LRRC7: variants seen among roughly 807,000 people sequenced by gnomAD.
LRRC7 encodes the protein leucine-rich repeat-containing protein 7.
A neutral mutation model predicts 175.7 loss-of-function variants in LRRC7; 23 were observed. The ratio of observed to expected loss-of-function variants is 0.13; its 90% CI spans 0.09 to 0.19. The LOEUF (loss-of-function observed/expected upper bound fraction) is 0.19, where lower values mean the gene tolerates loss of function less well. Among genes scored for constraint, LRRC7 ranks in the 10% least tolerant of loss-of-function variants. The pLI is 1.00. For missense variants in LRRC7, 1,354 were observed against 1,904.7 expected, an observed-to-expected ratio of 0.71 and a Z score of 5.38; for synonymous variants, 685 against 680.9, an observed-to-expected ratio of 1.01 and a Z score of -0.09.
At chr1:69,631,712 A>G (rs1393760688) in intron 1 of LRRC7, among the ~76,000 whole-genome samples, 1 of 152,078 alleles carries the variant, frequency 6.6e-6, no homozygotes, top group Non-Finnish European at 1.5e-5. Context: ...GCTCTGTTCA[A>G]TTAGATAATA....
intron 25 of LRRC7, among the ~76,000 whole-genome samples, chr1:70,105,415 TA>T (rs558523671): frequency 3.3e-5 from 5 of 151,356 alleles, no homozygotes; most frequent in East Asian, 1.9e-4. Flanking sequence ...TAAGGAAAAA[TA>T]AAAAAAAATC....
At chr1:70,007,983 TAGTC>T (rs905731014) in intron 11 of LRRC7, among the ~76,000 whole-genome samples, 9 of 152,176 alleles carry the variant, frequency 5.9e-5, no homozygotes, top group African/African-American at 9.7e-5. Context: ...GTGCTTGTAT[TAGTC>T]AGGGTTCTCT....
At chr1:70,028,442 G>C in intron 18 of LRRC7, 71 bp downstream of exon 18, 1 of 1,309,624 alleles carries the variant, frequency 7.6e-7, no homozygotes, top group South Asian at 1.3e-5. Flanking sequence ...TTTTTTAACT[G>C]AATAGATCTT....
At chr1:69,821,331 A>G (rs952753602) in intron 4 of LRRC7, among the ~76,000 whole-genome samples, 1 of 151,988 alleles carries the variant, frequency 6.6e-6, no homozygotes, top group African/African-American at 2.4e-5. Context: ...TTTCCGATTT[A>G]GCATTTGTTT....
At position 70,039,276 on chromosome 1, in the gene LRRC7, T is replaced by C. The variant is rs779619009; in HGVS notation, c.3452T>C (p.Leu1151Pro). 1 of 1,614,088 alleles carries C rather than the reference T, an allele frequency of 6.2e-7. No individual in the cohort carries two copies. The highest frequency in any genetic ancestry group is 8.5e-7 in the Non-Finnish European group (1 of 1,180,002). ...AGCCAAGGGGCCAGGGCGGGCTTCCTGAGAAGGGCCGACTCCCTGGTGAGC... is the reference window on the plus strand; with the variant it reads ...AGCCAAGGGGCCAGGGCGGGCTTCCCGAGAAGGGCCGACTCCCTGGTGAGC... ...FASQGARAGF[L>P]RRADSLVSAT... The change falls in exon 21 of 27, where the codon CTG becomes CCG. Residue 1151 changes from leucine (L) to proline (P), a missense_variant. Leu to Pro is a moderately conservative substitution (Grantham distance 98). Transcript: ENST00000651989.
intron 23 of LRRC7, among the ~76,000 whole-genome samples, chr1:70,056,790 T>A (rs988249954): frequency 6.6e-6 from 1 of 152,174 alleles, no homozygotes; most frequent in Non-Finnish European, 1.5e-5. Context: ...GACAGGGCTC[T>A]CAATTTCAAT....
chr1:69,760,920 A>T (rs115248152), intron 3 of LRRC7, among the ~76,000 whole-genome samples: 1,861 of 151,972 alleles, frequency 0.012, 19 homozygotes, highest in Non-Finnish European at 0.019. Context: ...AACTAGTAAA[A>T]AGTTTACTAG....
chr1:69,588,265 T>C (rs2100944194), intron 1 of LRRC7, among the ~76,000 whole-genome samples: 1 of 152,308 alleles, frequency 6.6e-6, no homozygotes, highest in Middle Eastern at 3.4e-3. Flanking sequence ...ATGACCATTA[T>C]TTTATCAGAA....
chr1:69,737,658 T>G (rs946545918), intron 2 of LRRC7, among the ~76,000 whole-genome samples: 1 of 152,206 alleles, frequency 6.6e-6, no homozygotes, highest in South Asian at 2.1e-4. Flanking sequence ...CCTAGTTTAC[T>G]TCTATGTAGT....
intron 2 of LRRC7, among the ~76,000 whole-genome samples, chr1:69,741,382 C>T (rs927273610): frequency 6.6e-6 from 1 of 151,722 alleles, no homozygotes. Context: ...AAATCTGGCA[C>T]CTCCATAATC....
At chr1:69,644,019 A>C (rs1356242486) in intron 1 of LRRC7, among the ~76,000 whole-genome samples, 7 of 152,170 alleles carry the variant, frequency 4.6e-5, no homozygotes, top group Non-Finnish European at 8.8e-5. Flanking sequence ...GGATGCAGTT[A>C]ATGCAATGCT....
intron 7 of LRRC7, among the ~76,000 whole-genome samples, chr1:69,887,961 G>A (rs1461871638): frequency 2.1e-5 from 3 of 140,340 alleles, no homozygotes; most frequent in East Asian, 4.2e-4. Flanking sequence ...CACTTGAGGA[G>A]GCAGTCTGCC....
At chr1:69,819,971 T>A (rs1272719950) in intron 4 of LRRC7, among the ~76,000 whole-genome samples, 1 of 152,154 alleles carries the variant, frequency 6.6e-6, no homozygotes, top group Non-Finnish European at 1.5e-5. Flanking sequence ...TCATGTTTTT[T>A]TCACCCATTC....
At chr1:69,775,579 A>G (rs906662153) in intron 3 of LRRC7, among the ~76,000 whole-genome samples, 2 of 152,338 alleles carry the variant, frequency 1.3e-5, no homozygotes, top group African/African-American at 4.8e-5. Context: ...CTGACCTTGC[A>G]TAGAACTGAC....
At position 69,930,831 on chromosome 1, in the gene LRRC7, A is replaced by G. The variant is rs563786277; in HGVS notation, c.648-676A>G. Reference sequence around the variant, plus strand: ...GAAGGAGGAACTGTCAAACACTTATAAAACCTTCAGATCTCATGAGAATTC... The same window carrying G: ...GAAGGAGGAACTGTCAAACACTTATGAAACCTTCAGATCTCATGAGAATTC... On this transcript the variant is annotated intron_variant, in intron 7 of 26. Coordinates refer to ENST00000651989, the MANE Select transcript of LRRC7 (RefSeq NM_001370785.2). Among the ~76,000 whole-genome samples, 7 of 151,602 alleles carry G rather than the reference A, an allele frequency of 4.6e-5. No homozygotes were observed. The South Asian group carries it at 1.5e-3, about 31-fold the overall frequency.
At position 69,943,353 on chromosome 1, in the gene LRRC7, A is replaced by G. The variant is rs370002169; in HGVS notation, c.711+11783A>G. Among the ~76,000 whole-genome samples the G allele has an allele frequency of 6.6e-5, 10 of 152,268 alleles. No individual in the cohort carries two copies. The East Asian group carries it at 1.9e-3, about 29-fold the overall frequency. On this transcript the variant is annotated intron_variant, in intron 8 of 26. Coordinates refer to ENST00000651989, the MANE Select transcript of LRRC7 (RefSeq NM_001370785.2). Reference sequence around the variant, plus strand: ...TTATGCCAACTAAAAGAAGCCAGAAACAAAAGGCCATGTGTTATATGATTT... The same window carrying G: ...TTATGCCAACTAAAAGAAGCCAGAAGCAAAAGGCCATGTGTTATATGATTT...
At chr1:70,013,290 G>A (rs985144194) in intron 13 of LRRC7, among the ~76,000 whole-genome samples, 1 of 151,646 alleles carries the variant, frequency 6.6e-6, no homozygotes, top group Non-Finnish European at 1.5e-5. Flanking sequence ...TATATCAAAA[G>A]CATATGTAAT....
intron 4 of LRRC7, among the ~76,000 whole-genome samples, chr1:69,812,192 G>A (rs1018371680): frequency 2.0e-5 from 3 of 152,090 alleles, no homozygotes; most frequent in South Asian, 4.1e-4. Context: ...TGAAGAGTAC[G>A]TATGGAACAA....
chr1:69,575,575 T>C (rs2100892848), intron 1 of LRRC7, among the ~76,000 whole-genome samples: 1 of 152,266 alleles, frequency 6.6e-6, no homozygotes, highest in East Asian at 1.9e-4. Context: ...TTAAGAAATG[T>C]GGAATTAATT....
Sources: allele counts gnomAD v4.1 joint callset (sites outside exome capture counted in the v4.1 genomes callset), GRCh38; gene constraint gnomAD v4.1.1; transcripts MANE v1.5; gene names NCBI Gene and HGNC (gene_info 2026-07-23, HGNC 2026-07-21).